The following KIT variants were observed in gnomAD, a reference collection of about 807,000 sequenced individuals.
The protein encoded by KIT is mast/stem cell growth factor receptor Kit.
Under a neutral mutation model 105.7 loss-of-function variants are expected in KIT, and 16 were observed. The observed-to-expected ratio is 0.15, with a 90% CI of 0.10 to 0.23. The LOEUF (loss-of-function observed/expected upper bound fraction) is 0.23. KIT is among the 10% of genes least tolerant of loss of function. The pLI, the probability that KIT is intolerant of heterozygous loss-of-function variation, is 1.00. For synonymous variants in KIT, 438 were observed against 441.1 expected (o/e 0.99, Z 0.09); for missense variants, 858 against 1,213.8 (o/e 0.71, Z 4.36).
At chr4:54,672,305 A>T (rs1560377080) in intron 1 of KIT, among the ~76,000 whole-genome samples, 1 of 130,162 alleles carries the variant, frequency 7.7e-6, no homozygotes. Context: ...ACTCAGTTTG[A>T]TTTTTTTTTT....
rs1577957274 is a variant in KIT at position 54,698,552 on chromosome 4, G to T, written c.606G>T (p.Leu202=). 1 of 1,614,142 alleles carries T rather than the reference G, an allele frequency of 6.2e-7. No individual in the cohort carries two copies. The highest frequency in any genetic ancestry group is 8.5e-7 in the Non-Finnish European group (1 of 1,180,006). Residue 202 remains leucine (L), a synonymous_variant, in exon 3 of 21, where the codon CTG becomes CTT. Transcript: ENST00000288135. ...GKSVLSEKFI[L]KVRPAFKAVP... is the part of the protein sequence containing the mutation. ...CAGTGCTGTCGGAAAAATTCATCCT[G>T]AAAGTGAGGCCAGGTACTGGCTCTT...
chr4:54,729,042 A>C (rs1350512989), intron 13 of KIT, among the ~76,000 whole-genome samples: 1 of 152,210 alleles, frequency 6.6e-6, no homozygotes, highest in Non-Finnish European at 1.5e-5. Flanking sequence ...TGATAATAGT[A>C]GAATCTTTGA....
At chr4:54,724,349 C>T (rs559414881) in intron 8 of KIT, among the ~76,000 whole-genome samples, 2 of 152,288 alleles carry the variant, frequency 1.3e-5, no homozygotes, top group East Asian at 3.9e-4. Context: ...GTTAACATCA[C>T]AATTGAATAG....
Position 54,738,580 on chromosome 4 carries a change from C to A in KIT, c.*23C>A. 6.2e-7 allele frequency: 1 copy of A among 1,613,138 alleles called. No homozygotes were observed. Among genetic ancestry groups the A allele is most frequent in the Non-Finnish European group, 8.5e-7 (1 of 1,179,932 alleles). On this transcript the variant is annotated 3_prime_UTR_variant, in exon 21 of 21. Coordinates refer to ENST00000288135, the MANE Select transcript of KIT (RefSeq NM_000222.3). ...TGAGCAGAATCAGTGTTTGGGTCACCCCTCCAGGAATGATCTCTTCTTTTG... is the reference window on the plus strand; with the variant it reads ...TGAGCAGAATCAGTGTTTGGGTCACACCTCCAGGAATGATCTCTTCTTTTG...
Position 54,739,658 on chromosome 4 carries a change from A to AT in KIT, c.*1102dup. The AT allele has an allele frequency of 4.3e-6, 1 of 233,606 alleles. No individual in the cohort carries two copies. The highest frequency in any genetic ancestry group is 8.5e-6 in the Non-Finnish European group (1 of 117,972). The allele number at this position is 233,606 out of a possible 1,614,324, so 14.5% of individuals were successfully genotyped here. On this transcript the variant is annotated 3_prime_UTR_variant, in exon 21 of 21. Transcript: ENST00000288135. ...TCCTGGACACCGGGCCAGTATCTAT[A>AT]TATGTGTATGTACGTTTGTATGTGT...
intron 1 of KIT, among the ~76,000 whole-genome samples, chr4:54,679,999 AGG>A (rs1718785503): frequency 6.6e-6 from 1 of 152,190 alleles, no homozygotes; most frequent in South Asian, 2.1e-4. Flanking sequence ...CATGTTGATC[AGG>A]GGTTGGAGGG....
At position 54,703,802 on chromosome 4, in the gene KIT, T is replaced by G. The variant is rs1383896627; in HGVS notation, c.835T>G (p.Ser279Ala). ...YERQATLTISSARVNDSGVFM... is the reference protein window; with the variant it reads ...YERQATLTISAARVNDSGVFM... The stretch of plus-strand genomic sequence containing the variant: ...ACGTCAGGCAACGTTGACTATCAGT[T>G]CAGCGAGAGTTAATGATTCTGGAGT... Residue 279 changes from serine to alanine, a missense_variant, in exon 5 of 21, where the codon TCA becomes GCA. Transcript: ENST00000288135. 6.2e-7 allele frequency: 1 copy of G among 1,613,624 alleles called. No individual in the cohort carries two copies. The highest frequency in any genetic ancestry group is 1.3e-5 in the African/African-American group (1 of 74,912).
intron 7 of KIT, among the ~76,000 whole-genome samples, chr4:54,709,839 A>T (rs1432505054): frequency 6.6e-6 from 1 of 152,172 alleles, no homozygotes; most frequent in Non-Finnish European, 1.5e-5. Context: ...ATGTATTATT[A>T]TTGATTGTTG....
chr4:54,723,777 T>C, intron 8 of KIT, 79 bp downstream of exon 8: 1 of 955,054 alleles, frequency 1.0e-6, no homozygotes, highest in East Asian at 2.4e-5. Context: ...ATATGTTTTC[T>C]GATTTTTTTT....
intron 1 of KIT, among the ~76,000 whole-genome samples, chr4:54,688,390 T>C (rs1049139768): frequency 6.6e-6 from 1 of 152,002 alleles, no homozygotes; most frequent in Non-Finnish European, 1.5e-5. Flanking sequence ...TCTGCCCCAG[T>C]CACAGTTCTT....
rs559718205 is a variant in KIT, at chr4:54,673,495, T to A, written c.67+15414T>A. ...TTCTTAGTTCTTTTGCCTCCATTTT[T>A]AAATCTTCATTTTCTTCAATCAACT... On this transcript the variant is annotated intron_variant, in intron 1 of 20. Transcript: ENST00000288135. Among the ~76,000 whole-genome samples, 37 of 152,364 alleles carry A rather than the reference T, an allele frequency of 2.4e-4. 1 individual carries two copies. The South Asian group carries it at 6.2e-3, about 26-fold the overall frequency.
chr4:54,673,105 G>C (rs1718226724), intron 1 of KIT, among the ~76,000 whole-genome samples: 1 of 152,160 alleles, frequency 6.6e-6, no homozygotes, highest in South Asian at 2.1e-4. Flanking sequence ...AAGCCCACTA[G>C]TTAGTTTTAT....
chr4:54,703,192 A>G (rs1384762361), intron 4 of KIT, among the ~76,000 whole-genome samples: 1 of 152,186 alleles, frequency 6.6e-6, no homozygotes, highest in Non-Finnish European at 1.5e-5. Flanking sequence ...AACTCCCTTC[A>G]GTAGTTTACA....
At chr4:54,676,607 A>T (rs1718490310) in intron 1 of KIT, among the ~76,000 whole-genome samples, 1 of 152,064 alleles carries the variant, frequency 6.6e-6, no homozygotes, top group African/African-American at 2.4e-5. Context: ...GGAGCAGGGG[A>T]AGAGTGGTAT....
At chr4:54,714,063 G>A (rs958418119) in intron 7 of KIT, among the ~76,000 whole-genome samples, 1 of 152,128 alleles carries the variant, frequency 6.6e-6, no homozygotes, top group Non-Finnish European at 1.5e-5. Flanking sequence ...CATTGAATTT[G>A]CATTACTCTA....
chr4:54,665,893 A>G (rs1164149946), intron 1 of KIT, among the ~76,000 whole-genome samples: 7 of 152,228 alleles, frequency 4.6e-5, no homozygotes, highest in Non-Finnish European at 8.8e-5. Context: ...ATTGGGGATT[A>G]TAAAGAATGG....
At chr4:54,717,998 C>T (rs1165557000) in intron 7 of KIT, among the ~76,000 whole-genome samples, 7 of 152,168 alleles carry the variant, frequency 4.6e-5, no homozygotes, top group African/African-American at 9.7e-5. Context: ...CATTTTTCAA[C>T]GTAATCTCGT....
intron 1 of KIT, among the ~76,000 whole-genome samples, chr4:54,666,619 G>A (rs555525311): frequency 6.6e-6 from 1 of 152,202 alleles, no homozygotes; most frequent in East Asian, 1.9e-4. Context: ...AGAAGGGTTG[G>A]CAGAGACTTT....
At chr4:54,675,914 TC>T (rs1368757795) in intron 1 of KIT, among the ~76,000 whole-genome samples, 1 of 151,964 alleles carries the variant, frequency 6.6e-6, no homozygotes, top group Non-Finnish European at 1.5e-5. Context: ...TATTCTGGAG[TC>T]CCGTAGCTGT....
Sources: gnomAD v4.1 joint callset for allele counts (sites outside exome capture counted in the v4.1 genomes callset) on GRCh38, gnomAD v4.1.1 for gene constraint, MANE v1.5 for transcripts, NCBI Gene and HGNC (gene_info 2026-07-23, HGNC 2026-07-21) for gene names.